The following CFAP54 variants were observed in gnomAD, a reference collection of about 807,000 sequenced individuals.
CFAP54 encodes the protein cilia- and flagella-associated protein 54.
Under a neutral mutation model 370.4 loss-of-function variants are expected in CFAP54, and 290 were observed. That is an observed-to-expected ratio of 0.78 (90% CI 0.71 to 0.86). CFAP54 has a LOEUF of 0.86. Among genes scored for constraint, CFAP54 ranks in the 40% least tolerant of loss-of-function variants. The probability of loss-of-function intolerance (pLI) is 0.00; values close to 1 mark genes in which losing one functional copy is unlikely to be tolerated. For synonymous variants in CFAP54, 1,206 were observed against 1,236.5 expected (o/e 0.98, Z 0.52); for missense variants, 3,399 against 3,528.7 (o/e 0.96, Z 0.93).
rs182132697 is a variant in CFAP54 at position 96,567,717 on chromosome 12, T to C, written c.2619+2952T>C. On this transcript the variant is annotated intron_variant, in intron 19 of 67. Coordinates refer to ENST00000524981, the MANE Select transcript of CFAP54 (RefSeq NM_001306084.2). Reference sequence around the variant, plus strand: ...TGAAGAGAGGTTTCCTCTTGTTTTATGATGACTGAATCTGGTCTTTGTACT... The same window carrying C: ...TGAAGAGAGGTTTCCTCTTGTTTTACGATGACTGAATCTGGTCTTTGTACT... Among the ~76,000 whole-genome samples, 440 of 152,290 alleles carry C rather than the reference T, an allele frequency of 2.9e-3. 7 individuals are homozygous for C. Among genetic ancestry groups the C allele is most frequent in the Non-Finnish European group, 6.9e-4 (47 of 68,022 alleles).
intron 14 of CFAP54, among the ~76,000 whole-genome samples, chr12:96,546,055 C>T (rs182566996): frequency 9.2e-5 from 14 of 152,280 alleles, no homozygotes; most frequent in African/African-American, 3.1e-4. Context: ...GGGAGGGGGT[C>T]ACAGGAACTT....
chr12:96,544,410 A>ATCTCTCTCTCTCTCTCTCTCTCTCTC (rs71068815), intron 14 of CFAP54, among the ~76,000 whole-genome samples: 1 of 148,118 alleles, frequency 6.8e-6, no homozygotes, highest in African/African-American at 2.5e-5. Context: ...AAAACAGAAT[A>ATCTCTCTCTCTCTCTCTCTCTCTCTC]TCTCTCTCTC....
rs1957248089 is a variant in CFAP54, at chr12:96,679,593, C to T, written c.5564-7C>T. 2 of 1,605,510 alleles carry T rather than the reference C, an allele frequency of 1.2e-6. No individual in the cohort carries two copies. Among genetic ancestry groups the T allele is most frequent in the South Asian group, 2.2e-5 (2 of 89,420 alleles). ...ATCCCCAATATTCCGCTTTTCTTTCCTTTCAGAATACAGCCGAGCCAAAGC... is the reference window on the plus strand; with the variant it reads ...ATCCCCAATATTCCGCTTTTCTTTCTTTTCAGAATACAGCCGAGCCAAAGC... On this transcript the variant is annotated splice_region_variant and splice_polypyrimidine_tract_variant and intron_variant, in intron 39 of 67. Transcript: ENST00000524981.
intron 65 of CFAP54, among the ~76,000 whole-genome samples, chr12:96,825,935 C>A (rs1018304228): frequency 1.5e-5 from 2 of 136,516 alleles, no homozygotes; most frequent in African/African-American, 5.4e-5. Context: ...AAATATGTAA[C>A]ATAGTACATT....
intron 1 of CFAP54, among the ~76,000 whole-genome samples, chr12:96,500,460 G>GT (rs1244543279): frequency 4.6e-5 from 7 of 152,196 alleles, no homozygotes; most frequent in African/African-American, 1.7e-4. Context: ...TGATAATGAT[G>GT]TGTCAATGTA....
chr12:96,547,279 G>A (rs535836380), intron 14 of CFAP54, among the ~76,000 whole-genome samples: 7 of 152,184 alleles, frequency 4.6e-5, no homozygotes, highest in East Asian at 1.9e-4. Context: ...TCCGCCTCCC[G>A]GGTTCAAGCA....
chr12:96,853,419 A>G (rs1012971722), intron 66 of CFAP54, among the ~76,000 whole-genome samples: 10 of 152,152 alleles, frequency 6.6e-5, no homozygotes, highest in African/African-American at 2.2e-4. Flanking sequence ...AGTGCTGACC[A>G]TGTTCTATTT....
At chr12:96,638,020 A>G (rs1296715367) in intron 32 of CFAP54, among the ~76,000 whole-genome samples, 1 of 152,178 alleles carries the variant, frequency 6.6e-6, no homozygotes, top group Admixed American at 6.5e-5. Flanking sequence ...ACAACAATAA[A>G]ATAGCTTAAC....
intron 13 of CFAP54, among the ~76,000 whole-genome samples, chr12:96,539,052 C>T (rs1259839700): frequency 7.2e-6 from 1 of 138,746 alleles, no homozygotes; most frequent in Non-Finnish European, 1.6e-5. Context: ...CCACCACGCC[C>T]GGCCTTTTCA....
intron 14 of CFAP54, among the ~76,000 whole-genome samples, chr12:96,542,644 C>T (rs1955589434): frequency 6.6e-6 from 1 of 152,168 alleles, no homozygotes; most frequent in South Asian, 2.1e-4. Context: ...CCAGCAAATA[C>T]CACCCCACCA....
At position 96,628,615 on chromosome 12, in the gene CFAP54, G is replaced by C. The variant is rs571818768; in HGVS notation, c.4104-1478G>C. On this transcript the variant is annotated intron_variant, in intron 30 of 67. Transcript: ENST00000524981. Reference sequence around the variant, plus strand: ...AGTCCCTTATGGTCATTGATCAAAGGCTTCTAATTTAGGCAGCAAAACATT... The same window carrying C: ...AGTCCCTTATGGTCATTGATCAAAGCCTTCTAATTTAGGCAGCAAAACATT... Among the ~76,000 whole-genome samples, 27 of 152,258 alleles carry C rather than the reference G, an allele frequency of 1.8e-4. 1 individual carries two copies. In the East Asian group the frequency reaches 3.5e-3, roughly 20 times the overall value.
At chr12:96,823,118 T>G (rs893740146) in intron 65 of CFAP54, among the ~76,000 whole-genome samples, 1 of 111,318 alleles carries the variant, frequency 9.0e-6, no homozygotes, top group African/African-American at 3.2e-5. Flanking sequence ...TCGTGTGTGT[T>G]TGTCTGTGTG....
chr12:96,828,272 G>A (rs1220429832), intron 65 of CFAP54, among the ~76,000 whole-genome samples: 1 of 151,264 alleles, frequency 6.6e-6, no homozygotes, highest in Non-Finnish European at 1.5e-5. Flanking sequence ...AGTATGAGTT[G>A]AGTATGGTCA....
At chr12:96,635,794 TA>T (rs747477734) in intron 32 of CFAP54, among the ~76,000 whole-genome samples, 40 of 152,124 alleles carry the variant, frequency 2.6e-4, no homozygotes, top group Admixed American at 1.2e-3. Context: ...TAGCTTAATA[TA>T]AAAGATACAA....
At chr12:96,584,650 T>A (rs542265412) in intron 22 of CFAP54, among the ~76,000 whole-genome samples, 2 of 152,026 alleles carry the variant, frequency 1.3e-5, no homozygotes, top group African/African-American at 2.4e-5. Context: ...TTTTTTTTTT[T>A]ATCAATCTCA....
intron 1 of CFAP54, among the ~76,000 whole-genome samples, chr12:96,499,922 T>C (rs1398459554): frequency 2.0e-5 from 3 of 151,042 alleles, no homozygotes; most frequent in Non-Finnish European, 4.4e-5. Flanking sequence ...CTCCAGCCTG[T>C]GTGACAGGAG....
In CFAP54 at chr12:96,623,790, G is replaced by T; in HGVS notation, c.3795G>T (p.Lys1265Asn). ...PEEDSSKKSL[K>N]TKKPQQILLP... ...AGGATTCTTCTAAGAAGTCTTTAAAGACTAAGAAGCCACAGCAGATACTAC... is the reference window on the plus strand; with the variant it reads ...AGGATTCTTCTAAGAAGTCTTTAAATACTAAGAAGCCACAGCAGATACTAC... The change falls in exon 28 of 68, where the codon AAG becomes AAT. Residue 1265 changes from lysine to asparagine, a missense_variant. Lys to Asn is a moderately conservative substitution (Grantham distance 94). Transcript: ENST00000524981. 1.3e-6 allele frequency: 2 copies of T among 1,534,132 alleles called. No individual in the cohort carries two copies. The highest frequency in any genetic ancestry group is 1.7e-6 in the Non-Finnish European group (2 of 1,145,490).
At chr12:96,777,757 T>C (rs1488409563) in intron 60 of CFAP54, among the ~76,000 whole-genome samples, 1 of 152,180 alleles carries the variant, frequency 6.6e-6, no homozygotes, top group Non-Finnish European at 1.5e-5. Context: ...TTGGTGCCAC[T>C]ACCTTCCTAC....
At chr12:96,661,830 A>G (rs1017390222) in intron 38 of CFAP54, among the ~76,000 whole-genome samples, 3 of 152,188 alleles carry the variant, frequency 2.0e-5, no homozygotes, top group Admixed American at 1.3e-4. Context: ...TTAAAAAATC[A>G]TCACACTGCC....
Sources: gnomAD v4.1 joint callset for allele counts (sites outside exome capture counted in the v4.1 genomes callset) on GRCh38, gnomAD v4.1.1 for gene constraint, MANE v1.5 for transcripts, NCBI Gene and HGNC (gene_info 2026-07-23, HGNC 2026-07-21) for gene names.